Variants in SHPRH observed in about 807,000 individuals in gnomAD.
SHPRH encodes SNF2 histone linker PHD RING helicase.
A neutral mutation model predicts 202.5 loss-of-function variants in SHPRH; 106 were observed. That is an observed-to-expected ratio of 0.52 (90% CI 0.45 to 0.62). The LOEUF is 0.62. Ranked by LOEUF, SHPRH falls within the 20% of genes least tolerant of loss-of-function variation. SHPRH has a pLI of 0.00. For synonymous variants in SHPRH, 729 were observed against 686.0 expected (o/e 1.06, Z -0.98); for missense variants, 1,710 against 2,020.0 (o/e 0.85, Z 2.94).
intron 18 of SHPRH, among the ~76,000 whole-genome samples, chr6:145,923,226 G>T (rs1290824885): frequency 2.0e-5 from 3 of 151,480 alleles, no homozygotes; most frequent in African/African-American, 7.3e-5. Context: ...GCAGAATATT[G>T]GGAAGAAAGA....
intron 2 of SHPRH, among the ~76,000 whole-genome samples, chr6:145,867,170 T>G (rs550652314): frequency 6.6e-6 from 1 of 152,236 alleles, no homozygotes; most frequent in Admixed American, 6.5e-5. Flanking sequence ...ACTTTTCTAC[T>G]CTTCGTCACT....
chr6:145,929,480 G>A (rs1165429766), intron 14 of SHPRH, among the ~76,000 whole-genome samples: 1 of 151,926 alleles, frequency 6.6e-6, no homozygotes, highest in African/African-American at 2.4e-5. Context: ...GACCTTCACT[G>A]TCTGATCTTC....
At position 145,942,016 on chromosome 6, in the gene SHPRH, A is replaced by G. The variant is rs187820128; in HGVS notation, c.2239-142T>C. The G allele has an allele frequency of 4.4e-5, 43 of 972,908 alleles. No individual in the cohort carries two copies. In the East Asian group the frequency reaches 1.1e-3, roughly 25 times the overall value. 60.3% of individuals were successfully genotyped at this position (972,908 alleles called of 1,614,324 possible). A position where few individuals can be genotyped will look rare whatever the true frequency, so the allele number is the denominator to read the frequency against. On this transcript the variant is annotated intron_variant, in intron 9 of 29. Coordinates refer to ENST00000275233, the MANE Select transcript of SHPRH (RefSeq NM_001042683.3). ...TGAGACAGATCCCATACCTGTTTGGAGAAAGACATGTTTTAGTGTGGAAGA... is the reference window on the plus strand; with the variant it reads ...TGAGACAGATCCCATACCTGTTTGGGGAAAGACATGTTTTAGTGTGGAAGA...
At chr6:145,929,875 C>A (rs1301234896) in intron 14 of SHPRH, among the ~76,000 whole-genome samples, 1 of 151,996 alleles carries the variant, frequency 6.6e-6, no homozygotes, top group Non-Finnish European at 1.5e-5. Context: ...TCTGAGGTAA[C>A]CTTCATATTA....
At chr6:145,884,196 A>G (rs1780799187), downstream of SHPRH, 1 of 152,198 alleles carries the variant, frequency 6.6e-6, no homozygotes, top group African/African-American at 2.4e-5. Context: ...TATCATGTTA[A>G]GATTTTTAGT....
intron 18 of SHPRH, 51 bp downstream of exon 18, chr6:145,923,592 T>G: frequency 6.3e-7 from 1 of 1,580,698 alleles, no homozygotes; most frequent in East Asian, 2.2e-5. Context: ...ATACAAGGAT[T>G]TCTTTGCTTT....
intron 2 of SHPRH, among the ~76,000 whole-genome samples, chr6:145,875,155 C>T (rs1055966078): frequency 6.6e-6 from 1 of 152,206 alleles, no homozygotes; most frequent in Non-Finnish European, 1.5e-5. Flanking sequence ...ATGGGATACT[C>T]ATCCTGTACC....
At position 145,933,306 on chromosome 6, in the gene SHPRH, T is replaced by C. The variant is rs1785673458; in HGVS notation, c.2991-128A>G. 4 of 1,363,774 alleles carry C rather than the reference T, an allele frequency of 2.9e-6. No homozygotes were observed. In the African/African-American group the frequency reaches 4.4e-5, roughly 15 times the overall value. 84.5% of individuals were successfully genotyped at this position (1,363,774 alleles called of 1,614,324 possible). A position where few individuals can be genotyped will look rare whatever the true frequency, so the allele number is the denominator to read the frequency against. On this transcript the variant is annotated intron_variant, in intron 13 of 29. Transcript: ENST00000275233. Reference sequence around the variant, plus strand: ...GTTTTTGTGGTATCTCTAGCATTTTTTTTCGCCTCAATTTTTACCATTATT... The same window carrying C: ...GTTTTTGTGGTATCTCTAGCATTTTCTTTCGCCTCAATTTTTACCATTATT...
At chr6:145,902,640 G>A (rs1421300019) in intron 25 of SHPRH, among the ~76,000 whole-genome samples, 1 of 151,708 alleles carries the variant, frequency 6.6e-6, no homozygotes, top group Non-Finnish European at 1.5e-5. Flanking sequence ...TATTATTGGG[G>A]AAAAAAGAGG....
At chr6:145,916,571 T>C (rs1409129901) in intron 23 of SHPRH, among the ~76,000 whole-genome samples, 1 of 152,178 alleles carries the variant, frequency 6.6e-6, no homozygotes. Context: ...TTTTCCATCA[T>C]TATAGATTAA....
At chr6:145,887,755 G>A (rs1284539146) in intron 29 of SHPRH, among the ~76,000 whole-genome samples, 2 of 152,012 alleles carry the variant, frequency 1.3e-5, no homozygotes, top group South Asian at 2.1e-4. Flanking sequence ...GGCTGGTTTC[G>A]AACTCCCAGC....
chr6:145,893,635 G>A (rs1016019323), intron 27 of SHPRH, among the ~76,000 whole-genome samples: 1 of 152,134 alleles, frequency 6.6e-6, no homozygotes, highest in African/African-American at 2.4e-5. Context: ...TCACAAGACA[G>A]ATGCATGTAA....
rs1331670380 is a variant in SHPRH at position 145,886,070 on chromosome 6, T to C, written c.*621A>G. 1 of 164,140 alleles carries C rather than the reference T, an allele frequency of 6.1e-6. No homozygotes were observed. Among genetic ancestry groups the C allele is most frequent in the East Asian group, 1.7e-4 (1 of 6,036 alleles). The allele number at this position is 164,140 out of a possible 1,614,324, so 10.2% of individuals were successfully genotyped here. A position where few individuals can be genotyped will look rare whatever the true frequency, so the allele number is the denominator to read the frequency against. On this transcript the variant is annotated 3_prime_UTR_variant, in exon 30 of 30. Coordinates refer to ENST00000275233, the MANE Select transcript of SHPRH (RefSeq NM_001042683.3). ...CACCACTTTACACATAATAGAAATA[T>C]GAATATTTTCATTGTTTTTGTTTTC...
At chr6:145,952,883 C>T (rs1582823350) in intron 2 of SHPRH, among the ~76,000 whole-genome samples, 1 of 151,988 alleles carries the variant, frequency 6.6e-6, no homozygotes, top group Admixed American at 6.6e-5. Flanking sequence ...GTTTGGGCAT[C>T]CTCATTACTG....
Position 145,948,345 on chromosome 6 carries a change from C to T in SHPRH, c.988G>A (p.Ala330Thr). Residue 330 changes from alanine (A) to threonine (T), a missense_variant, in exon 5 of 30, where the codon GCC (alanine) becomes ACC (threonine). Transcript: ENST00000275233. ...CFRSSPATES[A>T]LHFLWREIVT... ...ATCTCTCGCCATAAGAAGTGCAGGGCACTTTCTAAAGAAAAATATAATCAT... is the reference window on the plus strand; with the variant it reads ...ATCTCTCGCCATAAGAAGTGCAGGGTACTTTCTAAAGAAAAATATAATCAT... The T allele has an allele frequency of 6.3e-7, 1 of 1,597,828 alleles. No individual in the cohort carries two copies. Among genetic ancestry groups the T allele is most frequent in the Non-Finnish European group, 8.5e-7 (1 of 1,172,308 alleles).
At position 145,955,062 on chromosome 6, in the gene SHPRH, C is replaced by G. The variant is rs1788364395; in HGVS notation, c.261G>C (p.Glu87Asp). The change falls in exon 2 of 30, where the codon GAG (glutamate) becomes GAC (aspartate). Residue 87 changes from glutamate (E) to aspartate (D), a missense_variant. Around this residue, in one of 8 missense-constraint regions of SHPRH, gnomAD observed 459 missense variants for 426.5 expected, o/e 1.08. Coordinates refer to ENST00000275233, the MANE Select transcript of SHPRH (RefSeq NM_001042683.3). ...ACAAAGGGGAAAAAATACCAACAGT[C>G]TCTTCTTTTTCAATTGGTTTTGAGA... is the stretch of plus-strand genomic sequence containing the variant. ...VSFSKPIEKE[E>D]TVGIFSPLSV... 1.2e-6 allele frequency: 2 copies of G among 1,613,184 alleles called. No homozygotes were observed.
intron 3 of SHPRH, among the ~76,000 whole-genome samples, chr6:145,951,222 A>G (rs1787940562): frequency 6.6e-6 from 1 of 152,098 alleles, no homozygotes; most frequent in African/African-American, 2.4e-5. Context: ...CATATTTACA[A>G]ACTCCTTTCA....
At chr6:145,862,099 T>C (rs1466053728), downstream of SHPRH, among the ~76,000 whole-genome samples, 3 of 152,146 alleles carry the variant, frequency 2.0e-5, no homozygotes, top group Non-Finnish European at 4.4e-5. Flanking sequence ...AAATGGGGCC[T>C]ATGAATAACA....
chr6:145,958,131 G>C (rs1788694950), intron 1 of SHPRH, among the ~76,000 whole-genome samples: 1 of 152,136 alleles, frequency 6.6e-6, no homozygotes, highest in African/African-American at 2.4e-5. Flanking sequence ...ATTGCAGAAA[G>C]TAGATGAGTG....
Sources: gnomAD v4.1 joint callset for allele counts (sites outside exome capture counted in the v4.1 genomes callset) on GRCh38, gnomAD v4.1.1 for gene constraint, gnomAD v4.1.1 regional missense constraint, MANE v1.5 for transcripts, NCBI Gene and HGNC (gene_info 2026-07-23, HGNC 2026-07-21) for gene names.